GALNT2: variants seen among roughly 807,000 people sequenced by gnomAD.
The protein encoded by GALNT2 is UDP-GalNAc:polypeptide N-acetylgalactosaminyltransferase 2.
A neutral mutation model predicts 81.4 loss-of-function variants in GALNT2; 31 were observed. The ratio of observed to expected loss-of-function variants is 0.38; its 90% confidence interval spans 0.29 to 0.51. The LOEUF is 0.51. Among genes scored for constraint, GALNT2 ranks in the 20% least tolerant of loss-of-function variants. The pLI is 0.87. For synonymous variants in GALNT2, 303 were observed against 287.4 expected, an observed-to-expected ratio of 1.05 and a Z score of -0.55; for missense variants, 629 against 765.7, an observed-to-expected ratio of 0.82 and a Z score of 2.11.
intron 1 of GALNT2, among the ~76,000 whole-genome samples, chr1:230,146,803 A>G (rs999767503): frequency 6.6e-6 from 1 of 152,224 alleles, no homozygotes; most frequent in Non-Finnish European, 1.5e-5. Context: ...CACGCACCTC[A>G]GAGCGGCCCC....
chr1:230,119,642 C>T (rs186860794), intron 1 of GALNT2, among the ~76,000 whole-genome samples: 57 of 152,254 alleles, frequency 3.7e-4, no homozygotes, highest in Admixed American at 3.6e-3. Context: ...AGAACTCCCC[C>T]CACCCCCACT....
chr1:230,270,347 C>T (rs575223917), intron 14 of GALNT2, among the ~76,000 whole-genome samples: 2 of 152,338 alleles, frequency 1.3e-5, no homozygotes, highest in South Asian at 4.1e-4. Flanking sequence ...GAGCACCTTA[C>T]TGCCTGGGCC....
At chr1:230,113,522 A>G (rs528662801) in intron 1 of GALNT2, among the ~76,000 whole-genome samples, 2 of 152,292 alleles carry the variant, frequency 1.3e-5, no homozygotes, top group African/African-American at 4.8e-5. Flanking sequence ...TGCATAGCAC[A>G]GCTAAACAGC....
At chr1:230,123,515 T>C (rs1238337124) in intron 1 of GALNT2, among the ~76,000 whole-genome samples, 1 of 152,172 alleles carries the variant, frequency 6.6e-6, no homozygotes, top group Non-Finnish European at 1.5e-5. Context: ...TGTCTGTGTG[T>C]GTGTTGCCCG....
intron 1 of GALNT2, among the ~76,000 whole-genome samples, chr1:230,167,136 G>A (rs1056563119): frequency 6.6e-6 from 1 of 150,720 alleles, no homozygotes; most frequent in Admixed American, 6.6e-5. Context: ...AGAGTCAAGT[G>A]TTTTATTTTT....
intron 1 of GALNT2, among the ~76,000 whole-genome samples, chr1:230,093,016 AC>A (rs1660141025): frequency 6.6e-6 from 1 of 152,088 alleles, no homozygotes; most frequent in South Asian, 2.1e-4. Context: ...CAGGTATGTT[AC>A]CCCCATCTAT....
At chr1:230,123,327 G>A in intron 1 of GALNT2, among the ~76,000 whole-genome samples, 1 of 152,308 alleles carries the variant, frequency 6.6e-6, no homozygotes, top group African/African-American at 2.4e-5. Flanking sequence ...ACATTATGCT[G>A]TTGTCTCTGG....
At chr1:230,278,548 G>A (rs528808635) in intron 15 of GALNT2, among the ~76,000 whole-genome samples, 12 of 152,006 alleles carry the variant, frequency 7.9e-5, no homozygotes, top group African/African-American at 2.9e-4. Context: ...TTGGTTGTTC[G>A]CTTGATTTGA....
At chr1:230,233,952 C>T (rs193164467) in intron 3 of GALNT2, among the ~76,000 whole-genome samples, 5 of 151,920 alleles carry the variant, frequency 3.3e-5, no homozygotes, top group Non-Finnish European at 7.4e-5. Flanking sequence ...AACAAATTTC[C>T]TCCACAGGGT....
At chr1:230,183,940 T>C (rs1663237111) in intron 2 of GALNT2, among the ~76,000 whole-genome samples, 1 of 151,956 alleles carries the variant, frequency 6.6e-6, no homozygotes, top group South Asian at 2.1e-4. Flanking sequence ...ATCGTACCAC[T>C]ATTCTGAGCC....
chr1:230,200,436 C>T (rs1325062533), intron 2 of GALNT2, among the ~76,000 whole-genome samples: 1 of 152,160 alleles, frequency 6.6e-6, no homozygotes, highest in Admixed American at 6.5e-5. Flanking sequence ...GGGTCACGGG[C>T]CTGTGTGTGC....
Position 230,236,692 on chromosome 1 carries a change from A to G in GALNT2, c.574A>G (p.Lys192Glu). 1 of 1,613,770 alleles carries G rather than the reference A, an allele frequency of 6.2e-7. No homozygotes were observed. Among genetic ancestry groups the G allele is most frequent in the Non-Finnish European group, 8.5e-7 (1 of 1,179,938 alleles). ...CGGGGCTCTCTTGGGGAAAATTGAG[A>G]AAGTGCGAGTTCTTAGAAATGATCG... The part of the protein sequence containing the change: ...EDGALLGKIE[K>E]VRVLRNDRRE... The change falls in exon 6 of 16, where the codon AAA (lysine) becomes GAA (glutamate). Residue 192 changes from lysine to glutamate, a missense_variant. Lys to Glu is a moderately conservative substitution (Grantham distance 56). This residue lies in a region of GALNT2 where 360 missense variants were observed against 492.8 expected (regional missense o/e 0.73). Transcript: ENST00000366672.
intron 11 of GALNT2, among the ~76,000 whole-genome samples, chr1:230,258,380 C>T (rs542772458): frequency 1.3e-5 from 2 of 152,070 alleles, no homozygotes; most frequent in Admixed American, 1.3e-4. Flanking sequence ...CAGGCATGCG[C>T]CACCACACCC....
At chr1:230,106,067 A>G (rs541044303) in intron 1 of GALNT2, among the ~76,000 whole-genome samples, 2 of 152,342 alleles carry the variant, frequency 1.3e-5, no homozygotes, top group African/African-American at 2.4e-5. Flanking sequence ...ATAGTTGCAT[A>G]TTAACCACTT....
At chr1:230,084,720 C>T (rs193218695) in intron 1 of GALNT2, among the ~76,000 whole-genome samples, 1 of 152,290 alleles carries the variant, frequency 6.6e-6, no homozygotes, top group East Asian at 1.9e-4. Flanking sequence ...CAGCTGTTTG[C>T]CTGCTGGGTG....
intron 1 of GALNT2, among the ~76,000 whole-genome samples, chr1:230,104,545 G>T (rs1228240947): frequency 6.6e-6 from 1 of 152,210 alleles, no homozygotes; most frequent in African/African-American, 2.4e-5. Flanking sequence ...GGGAAATGCG[G>T]GAGGAGGGAA....
intron 3 of GALNT2, among the ~76,000 whole-genome samples, chr1:230,234,899 T>C (rs758774427): frequency 5.3e-5 from 8 of 152,192 alleles, no homozygotes; most frequent in Non-Finnish European, 1.2e-4. Flanking sequence ...CTTCCACCTA[T>C]AGCTATCAGC....
chr1:230,236,625 A>T, intron 5 of GALNT2, 35 bp from the exon 6 acceptor site: 1 of 1,593,258 alleles, frequency 6.3e-7, no homozygotes, highest in African/African-American at 1.4e-5. Context: ...TATGAACTCC[A>T]GGTTCAAAAT....
chr1:230,093,906 G>A (rs565815265), intron 1 of GALNT2, among the ~76,000 whole-genome samples: 29 of 152,128 alleles, frequency 1.9e-4, no homozygotes, highest in Non-Finnish European at 3.5e-4. Flanking sequence ...TTTCTCAGAA[G>A]GTATCCCTGT....
Sources: gnomAD v4.1 joint callset for allele counts (sites outside exome capture counted in the v4.1 genomes callset) on GRCh38, gnomAD v4.1.1 for gene constraint, gnomAD v4.1.1 regional missense constraint, MANE v1.5 for transcripts, NCBI Gene and HGNC (gene_info 2026-07-23, HGNC 2026-07-21) for gene names.